DRC4: variants seen among roughly 807,000 people sequenced by gnomAD.
DRC4 encodes GAS-11.
At chr16:90,043,927 T>G in the DRC4 span, 1 of 432,328 alleles carries the variant, frequency 2.3e-6, no homozygotes, top group Non-Finnish European at 4.8e-6. Context: ...ACTCCCTCGG[T>G]AGGTGATGTA....
At chr16:90,040,636 T>C in the DRC4 span, 2 of 772,186 alleles carry the variant, frequency 2.6e-6, no homozygotes, top group African/African-American at 4.7e-5. Flanking sequence ...GGGGCATTCA[T>C]GGGTTTCCTG....
chr16:90,043,868 C>T, the DRC4 span: 1 of 464,444 alleles, frequency 2.2e-6, no homozygotes, highest in Non-Finnish European at 4.5e-6. Context: ...TGGGTGCAGC[C>T]AGCGTGCGGG....
the DRC4 span, among the ~76,000 whole-genome samples, chr16:90,025,840 G>T: frequency 6.8e-6 from 1 of 147,234 alleles, no homozygotes; most frequent in African/African-American, 2.5e-5. Flanking sequence ...GTGAGCCAAG[G>T]CAGCCTGGAT....
chr16:90,025,728 C>CA, the DRC4 span, among the ~76,000 whole-genome samples: 2,204 of 122,728 alleles, frequency 0.018, 27 homozygotes, highest in African/African-American at 0.038. Context: ...TACTAAAATA[C>CA]AAAAAAAAAT....
the DRC4 span, chr16:90,040,360 C>A: frequency 6.2e-7 from 1 of 1,607,908 alleles, no homozygotes; most frequent in Non-Finnish European, 8.5e-7. Flanking sequence ...GGAGGTGCAG[C>A]AGAAGACAGG....
the DRC4 span, chr16:90,036,564 T>A: frequency 1.3e-6 from 2 of 1,587,600 alleles, no homozygotes; most frequent in Non-Finnish European, 1.7e-6. Context: ...CTCAACAACC[T>A]GGCCCTCATC....
the DRC4 span, chr16:90,037,487 C>A: frequency 7.0e-7 from 1 of 1,435,668 alleles, no homozygotes; most frequent in East Asian, 2.4e-5. Context: ...GGGCTTGGCC[C>A]TTAGGGCAGG....
At chr16:90,024,127 C>G in the DRC4 span, among the ~76,000 whole-genome samples, 555 of 149,754 alleles carry the variant, frequency 3.7e-3, 2 homozygotes, top group African/African-American at 0.013. Context: ...TAAAAATACA[C>G]ACACACACAC....
At chr16:90,040,325 A>G in the DRC4 span, 2 of 1,596,716 alleles carry the variant, frequency 1.3e-6, no homozygotes, top group Non-Finnish European at 1.7e-6. Flanking sequence ...GACGAGCTCT[A>G]TCGGAAGTTC....
At chr16:90,031,827 G>C in the DRC4 span, among the ~76,000 whole-genome samples, 1 of 152,182 alleles carries the variant, frequency 6.6e-6, no homozygotes, top group African/African-American at 2.4e-5. Flanking sequence ...GGTTTGCATA[G>C]GTGAACAGGC....
At chr16:90,043,947 G>T in the DRC4 span, 2 of 420,972 alleles carry the variant, frequency 4.8e-6, no homozygotes, top group Non-Finnish European at 9.9e-6. Context: ...AGGACCAGGG[G>T]CACGTGGAAC....
the DRC4 span, chr16:90,031,364 C>G: frequency 5.5e-5 from 88 of 1,612,660 alleles, no homozygotes. Flanking sequence ...GAAACTACTT[C>G]CAGCTGGAGC....
At chr16:90,043,496 TGTG>T in the DRC4 span, 1 of 817,596 alleles carries the variant, frequency 1.2e-6, no homozygotes, top group African/African-American at 1.7e-5. Flanking sequence ...TTCCTGGCTC[TGTG>T]GAGGAGAACC....
At chr16:90,039,987 C>T in the DRC4 span, 37 of 403,104 alleles carry the variant, frequency 9.2e-5, no homozygotes, top group Non-Finnish European at 1.5e-4. Flanking sequence ...AGACTGGCCT[C>T]GGCCACCCAT....
chr16:90,038,137 T>C, the DRC4 span, among the ~76,000 whole-genome samples: 370 of 152,342 alleles, frequency 2.4e-3, 2 homozygotes, highest in African/African-American at 8.0e-3. Context: ...CCTGGGGTCT[T>C]GATGGGGAAC....
At chr16:90,042,319 T>A in the DRC4 span, 1 of 694,830 alleles carries the variant, frequency 1.4e-6, no homozygotes, top group Non-Finnish European at 2.6e-6. Flanking sequence ...GGAGACCTTT[T>A]TCTGCTGACA....
chr16:90,029,045 A>T, the DRC4 span: 47 of 1,240,862 alleles, frequency 3.8e-5, no homozygotes, highest in South Asian at 4.9e-4. Flanking sequence ...TGGATTGAAC[A>T]CTGCGTTGTC....
the DRC4 span, chr16:90,029,088 C>G: frequency 8.1e-7 from 1 of 1,239,042 alleles, no homozygotes; most frequent in South Asian, 1.4e-5. Context: ...TCTCCCTGTC[C>G]GCTTCCCATT....
the DRC4 span, among the ~76,000 whole-genome samples, chr16:90,020,313 AAAAAG>A: frequency 4.4e-4 from 67 of 151,950 alleles, no homozygotes; most frequent in East Asian, 1.2e-3. Context: ...CTCAAAAAAA[AAAAAG>A]AAAAGAAAAG....
Sources: allele counts gnomAD v4.1 joint callset (sites outside exome capture counted in the v4.1 genomes callset), GRCh38; gene constraint gnomAD v4.1.1; transcripts MANE v1.5; gene names NCBI Gene and HGNC (gene_info 2026-07-23, HGNC 2026-07-21).